The following NAV2 variants were observed in gnomAD, a reference collection of about 807,000 sequenced individuals.
NAV2 encodes helicase, APC down-regulated 1.
A neutral mutation model predicts 223.2 loss-of-function variants in NAV2; 54 were observed. The ratio of observed to expected loss-of-function variants is 0.24; its 90% CI spans 0.19 to 0.30. NAV2 has a LOEUF of 0.30. Ranked by LOEUF, NAV2 falls within the 10% of genes least tolerant of loss-of-function variation. The pLI is 1.00. For missense variants in NAV2, 2,806 were observed against 3,147.5 expected (o/e 0.89, Z 2.60); for synonymous variants, 1,279 against 1,239.3 (o/e 1.03, Z -0.67).
intron 1 of NAV2, among the ~76,000 whole-genome samples, chr11:19,391,815 A>C (rs542007047): frequency 1.3e-5 from 2 of 152,230 alleles, no homozygotes; most frequent in African/African-American, 4.8e-5. Context: ...TGACTGACAA[A>C]TACTTAGGAC....
At chr11:20,070,772 G>T (rs2059349884) in intron 22 of NAV2, among the ~76,000 whole-genome samples, 1 of 152,046 alleles carries the variant, frequency 6.6e-6, no homozygotes, top group African/African-American at 2.4e-5. Context: ...GTTGTGTGTG[G>T]CTCTGAACCA....
In NAV2 at chr11:19,545,296, G is replaced by A. The variant is rs1038783913; in HGVS notation, c.75+194269G>A. On this transcript the variant is annotated intron_variant, in intron 1 of 37. Coordinates refer to the NAV2 transcript ENST00000360655. ...CCTCCAGGGGAGCTTGGTTTGGGCC[G>A]GGCAGCCAACTGAATTATTCATGAC... Among the ~76,000 whole-genome samples the A allele has an allele frequency of 3.3e-5, 5 of 152,274 alleles. No homozygotes were observed. In the East Asian group the frequency reaches 5.8e-4, roughly 18 times the overall value.
At position 19,916,913 on chromosome 11, in the gene NAV2, A is replaced by C. The variant is rs114005159; in HGVS notation, c.932-16263A>C. Among the ~76,000 whole-genome samples the C allele has an allele frequency of 8.0e-3, 1,226 of 152,388 alleles. 18 individuals carry two copies. Among genetic ancestry groups the C allele is most frequent in the African/African-American group, 0.029 (1,189 of 41,588 alleles). ...AGGCTACTGATAAGTACAGAGGGCC[A>C]AAATCTGTGAAGGATAGAGAATGGG... On this transcript the variant is annotated intron_variant, in intron 6 of 37. Coordinates refer to ENST00000349880, the MANE Select transcript of NAV2 (RefSeq NM_145117.5).
At chr11:19,502,077 C>T (rs1373185451) in intron 1 of NAV2, among the ~76,000 whole-genome samples, 1 of 152,060 alleles carries the variant, frequency 6.6e-6, no homozygotes, top group East Asian at 1.9e-4. Flanking sequence ...CACATAGTGG[C>T]CATGAATTCA....
intron 1 of NAV2, among the ~76,000 whole-genome samples, chr11:19,829,563 A>G (rs1029860797): frequency 4.6e-5 from 7 of 152,172 alleles, no homozygotes; most frequent in Admixed American, 3.3e-4. Context: ...TGACCTTTGT[A>G]TGTATGAGCT....
At chr11:19,757,644 G>A (rs2054347260) in intron 1 of NAV2, among the ~76,000 whole-genome samples, 1 of 152,154 alleles carries the variant, frequency 6.6e-6, no homozygotes. Flanking sequence ...GCTGCATGGT[G>A]TGTGATGGGA....
intron 10 of NAV2, among the ~76,000 whole-genome samples, chr11:19,960,605 A>C (rs141426375): frequency 0.033 from 4,904 of 149,614 alleles, 254 homozygotes; most frequent in African/African-American, 0.11. Context: ...TTATTTATTT[A>C]TTTATTTATT....
In NAV2 at chr11:19,610,919, G is replaced by A. The variant is rs182155419; in HGVS notation, c.76-221565G>A. Among the ~76,000 whole-genome samples the A allele has an allele frequency of 5.3e-5, 8 of 151,680 alleles. No homozygotes were observed. The East Asian group carries it at 7.7e-4, about 15-fold the overall frequency. ...ATGCCTGTATGCTTAGCACCTCCTC[G>A]TCTTTCTCCAGGCTCAGCCCAGCCC... On this transcript the variant is annotated intron_variant, in intron 1 of 37. Coordinates refer to the NAV2 transcript ENST00000360655.
chr11:19,422,269 G>A (rs1201686668), intron 1 of NAV2, among the ~76,000 whole-genome samples: 3 of 152,194 alleles, frequency 2.0e-5, no homozygotes, highest in African/African-American at 7.2e-5. Context: ...CTTGGTACGT[G>A]GTGGTTTACT....
chr11:19,802,954 AT>A (rs2058354336), intron 1 of NAV2, among the ~76,000 whole-genome samples: 1 of 152,146 alleles, frequency 6.6e-6, no homozygotes, highest in Admixed American at 6.5e-5. Context: ...ATAAACAGCC[AT>A]TTTGATCACA....
intron 1 of NAV2, among the ~76,000 whole-genome samples, chr11:19,365,654 T>C (rs757506264): frequency 1.3e-5 from 2 of 152,198 alleles, no homozygotes; most frequent in Non-Finnish European, 1.5e-5. Flanking sequence ...TGCTAGAGGG[T>C]GGAGATTGAG....
intron 1 of NAV2, among the ~76,000 whole-genome samples, chr11:19,585,235 G>C (rs1263569764): frequency 6.6e-6 from 1 of 152,098 alleles, no homozygotes; most frequent in Non-Finnish European, 1.5e-5. Flanking sequence ...TTGCTTGGTA[G>C]ATCTTCCTCC....
chr11:19,861,696 C>T (rs1366510209), intron 3 of NAV2, among the ~76,000 whole-genome samples: 2 of 152,170 alleles, frequency 1.3e-5, no homozygotes, highest in Admixed American at 6.5e-5. Context: ...CACTCCTTAG[C>T]CCTAATCATT....
intron 1 of NAV2, among the ~76,000 whole-genome samples, chr11:19,696,390 A>G (rs965075836): frequency 1.3e-5 from 2 of 152,224 alleles, no homozygotes; most frequent in Non-Finnish European, 2.9e-5. Flanking sequence ...GTAAATGTCC[A>G]AACACTGACC....
intron 26 of NAV2, among the ~76,000 whole-genome samples, chr11:20,088,241 G>A (rs1176887062): frequency 6.6e-6 from 1 of 152,130 alleles, no homozygotes; most frequent in Non-Finnish European, 1.5e-5. Context: ...GCAGTGGCGC[G>A]ATCTTGGCTC....
intron 20 of NAV2, among the ~76,000 whole-genome samples, 172 bp from the exon 21 acceptor site, chr11:20,068,014 T>A (rs2059159737): frequency 6.6e-6 from 1 of 152,204 alleles, no homozygotes; most frequent in South Asian, 2.1e-4. Flanking sequence ...GTATTTGGCC[T>A]TTCTGATGGG....
chr11:19,534,160 C>A (rs539811550), intron 1 of NAV2, among the ~76,000 whole-genome samples: 7 of 152,330 alleles, frequency 4.6e-5, no homozygotes, highest in African/African-American at 1.4e-4. Context: ...TCCAGTTACT[C>A]CTTACTGCAT....
chr11:19,625,674 A>AT (rs1364924726), intron 1 of NAV2, among the ~76,000 whole-genome samples: 1 of 152,176 alleles, frequency 6.6e-6, no homozygotes, highest in African/African-American at 2.4e-5. Flanking sequence ...CCAAAAATGT[A>AT]TGAGTTCCCT....
chr11:19,471,087 C>T (rs2729878), intron 1 of NAV2, among the ~76,000 whole-genome samples: 116,816 of 152,074 alleles, frequency 0.77, 45,486 homozygotes, highest in East Asian at 0.89. Flanking sequence ...AGCAGTATTC[C>T]AGCACTTTCA....
Sources: allele counts gnomAD v4.1 joint callset (sites outside exome capture counted in the v4.1 genomes callset), GRCh38; gene constraint gnomAD v4.1.1; transcripts MANE v1.5; gene names NCBI Gene and HGNC (gene_info 2026-07-23, HGNC 2026-07-21).